GRM8: variants seen among roughly 807,000 people sequenced by gnomAD.
The protein encoded by GRM8 is glutamate metabotropic receptor 8.
Under a neutral mutation model 87.2 loss-of-function variants are expected in GRM8, and 47 were observed. That is an observed-to-expected ratio of 0.54 (90% CI 0.43 to 0.69). The LOEUF (loss-of-function observed/expected upper bound fraction) is 0.69. GRM8 is among the 30% of genes least tolerant of loss of function. GRM8 has a pLI of 0.00. For missense variants in GRM8, 1,019 were observed against 1,139.2 expected (o/e 0.89, Z 1.52); for synonymous variants, 396 against 404.5 (o/e 0.98, Z 0.25).
chr7:126,623,625 T>A (rs776202206), intron 7 of GRM8, among the ~76,000 whole-genome samples: 13 of 152,220 alleles, frequency 8.5e-5, no homozygotes, highest in Non-Finnish European at 1.5e-4. Flanking sequence ...GCCTTTCTCA[T>A]CTGGCCTCCT....
chr7:127,052,160 G>C (rs775068692), intron 3 of GRM8, among the ~76,000 whole-genome samples: 1 of 152,180 alleles, frequency 6.6e-6, no homozygotes, highest in South Asian at 2.1e-4. Flanking sequence ...ACCCAATTTT[G>C]TGTTAGCTCT....
chr7:126,644,230 A>G (rs1280808098), intron 7 of GRM8, among the ~76,000 whole-genome samples: 1 of 152,240 alleles, frequency 6.6e-6, no homozygotes, highest in Non-Finnish European at 1.5e-5. Context: ...AAATTTAAAC[A>G]TAAAGTTTGA....
chr7:126,770,698 A>AT (rs1818746431), intron 6 of GRM8, among the ~76,000 whole-genome samples: 1 of 152,112 alleles, frequency 6.6e-6, no homozygotes, highest in Non-Finnish European at 1.5e-5. Flanking sequence ...GTTTGGGCAT[A>AT]TTTAGGGCTG....
chr7:127,239,673 T>C (rs917338513), intron 2 of GRM8, among the ~76,000 whole-genome samples: 2 of 152,204 alleles, frequency 1.3e-5, no homozygotes, highest in Non-Finnish European at 2.9e-5. Context: ...TCCTAGCATA[T>C]ATGTATAAAC....
intron 9 of GRM8, among the ~76,000 whole-genome samples, chr7:126,509,421 C>T (rs1277610817): frequency 2.0e-5 from 3 of 151,762 alleles, no homozygotes; most frequent in African/African-American, 7.3e-5. Flanking sequence ...ATAAATTGAA[C>T]GTGGAGAGGA....
intron 2 of GRM8, among the ~76,000 whole-genome samples, chr7:127,113,090 A>T (rs1826478947): frequency 6.6e-6 from 1 of 152,180 alleles, no homozygotes; most frequent in South Asian, 2.1e-4. Flanking sequence ...TGAGGCTCCA[A>T]GGGGATCAGA....
chr7:126,754,016 G>A (rs962261336), intron 7 of GRM8, among the ~76,000 whole-genome samples: 1 of 151,672 alleles, frequency 6.6e-6, no homozygotes, highest in Non-Finnish European at 1.5e-5. Flanking sequence ...AAAATCTTAG[G>A]GAACCACCGC....
At chr7:126,780,719 G>A (rs1819978125) in intron 6 of GRM8, among the ~76,000 whole-genome samples, 2 of 152,138 alleles carry the variant, frequency 1.3e-5, no homozygotes, top group South Asian at 4.1e-4. Context: ...GGAGGCACAG[G>A]TGAGGCCTGA....
intron 6 of GRM8, among the ~76,000 whole-genome samples, chr7:126,826,297 C>G (rs1794787598): frequency 6.6e-6 from 1 of 152,180 alleles, no homozygotes; most frequent in East Asian, 1.9e-4. Flanking sequence ...AATCGCCACA[C>G]TGACTTCCAC....
intron 10 of GRM8, among the ~76,000 whole-genome samples, chr7:126,441,717 C>T (rs1801482527): frequency 6.6e-6 from 1 of 152,052 alleles, no homozygotes; most frequent in African/African-American, 2.4e-5. Context: ...ATCTTAGTGA[C>T]ACTATTGATG....
intron 2 of GRM8, among the ~76,000 whole-genome samples, chr7:127,173,392 G>A (rs1793927603): frequency 6.6e-6 from 1 of 152,110 alleles, no homozygotes; most frequent in Admixed American, 6.5e-5. Flanking sequence ...CCAGAGCAAA[G>A]GTCATGGGGA....
At chr7:126,496,524 G>T (rs1055529114) in intron 9 of GRM8, among the ~76,000 whole-genome samples, 1 of 151,968 alleles carries the variant, frequency 6.6e-6, no homozygotes, top group Non-Finnish European at 1.5e-5. Context: ...GTGAAACCAA[G>T]ACACATCTGT....
At chr7:127,216,887 GAGACAC>G (rs1269053963) in intron 2 of GRM8, among the ~76,000 whole-genome samples, 1 of 152,104 alleles carries the variant, frequency 6.6e-6, no homozygotes, top group Non-Finnish European at 1.5e-5. Flanking sequence ...CAGCTTAAAT[GAGACAC>G]ACTTTGAGAG....
intron 6 of GRM8, among the ~76,000 whole-genome samples, chr7:126,792,897 A>G (rs1563192715): frequency 6.6e-6 from 1 of 152,170 alleles, no homozygotes; most frequent in Non-Finnish European, 1.5e-5. Flanking sequence ...CCCCTCGGCT[A>G]CAAAAGATAC....
chr7:126,744,414 A>G (rs927324568), intron 7 of GRM8, among the ~76,000 whole-genome samples: 1 of 152,068 alleles, frequency 6.6e-6, no homozygotes, highest in Non-Finnish European at 1.5e-5. Flanking sequence ...GAAAACTTGC[A>G]TACTCCTCAA....
chr7:126,597,736 A>G (rs1485345343), intron 8 of GRM8, among the ~76,000 whole-genome samples: 1 of 152,004 alleles, frequency 6.6e-6, no homozygotes, highest in East Asian at 1.9e-4. Context: ...AAGCAGCATC[A>G]CTTTCTTTGA....
intron 6 of GRM8, among the ~76,000 whole-genome samples, chr7:126,883,588 G>A (rs1176584171): frequency 6.6e-6 from 1 of 152,078 alleles, no homozygotes; most frequent in Non-Finnish European, 1.5e-5. Context: ...TATGTATCAA[G>A]AATAATCAAA....
intron 6 of GRM8, among the ~76,000 whole-genome samples, chr7:126,897,421 G>A (rs187447274): frequency 2.0e-5 from 3 of 152,238 alleles, no homozygotes; most frequent in African/African-American, 4.8e-5. Flanking sequence ...AATGAAGGGA[G>A]AGGAATTGTG....
At position 126,552,369 on chromosome 7, in the gene GRM8, A is replaced by T. The variant is rs529965344; in HGVS notation, c.1495-18482T>A. ...TTTTACTTAAGCTAGCATTTGCACA[A>T]AAAAGGTGCTAATAATATTTTTAAT... On this transcript the variant is annotated intron_variant, in intron 8 of 10. Coordinates refer to ENST00000339582, the MANE Select transcript of GRM8 (RefSeq NM_000845.3). 4.9e-4 allele frequency among the ~76,000 whole-genome samples: 75 copies of T among 152,254 alleles called. No homozygotes were observed. In the Middle Eastern group the frequency reaches 0.014, roughly 28 times the overall value.
Sources: gnomAD v4.1 joint callset for allele counts (sites outside exome capture counted in the v4.1 genomes callset) on GRCh38, gnomAD v4.1.1 for gene constraint, MANE v1.5 for transcripts, NCBI Gene and HGNC (gene_info 2026-07-23, HGNC 2026-07-21) for gene names.